The following FHIT variants were observed in gnomAD, a reference collection of about 807,000 sequenced individuals.
FHIT encodes fragile histidine triad diadenosine triphosphatase.
In FHIT, 19 loss-of-function variants were observed where a neutral mutation model predicts 17.9. The ratio of observed to expected loss-of-function variants is 1.06; its 90% confidence interval spans 0.74 to 1.56. The LOEUF (loss-of-function observed/expected upper bound fraction) is 1.56, where lower values mean the gene tolerates loss of function less well. Ranked by LOEUF, FHIT falls within the 40% of genes most tolerant of loss-of-function variation. The pLI, the probability that FHIT is intolerant of heterozygous loss-of-function variation, is 0.00. For synonymous variants in FHIT, 81 were observed against 69.7 expected (o/e 1.16, Z -0.81); for missense variants, 248 against 189.2 (o/e 1.31, Z -1.82).
intron 7 of FHIT, among the ~76,000 whole-genome samples, chr3:60,002,976 T>C (rs921204876): frequency 3.9e-5 from 6 of 152,044 alleles, no homozygotes; most frequent in Admixed American, 2.6e-4. Context: ...CCCTCAGAGA[T>C]TGGAAAATAG....
At chr3:60,491,874 A>G (rs1164354180) in intron 5 of FHIT, among the ~76,000 whole-genome samples, 1 of 152,146 alleles carries the variant, frequency 6.6e-6, no homozygotes, top group Non-Finnish European at 1.5e-5. Context: ...CATTATAACA[A>G]TATTTGATTT....
intron 5 of FHIT, among the ~76,000 whole-genome samples, chr3:60,425,431 A>G (rs1457452644): frequency 6.6e-6 from 1 of 152,160 alleles, no homozygotes; most frequent in African/African-American, 2.4e-5. Flanking sequence ...CCATCATTCA[A>G]ATGTGAAATC....
intron 4 of FHIT, among the ~76,000 whole-genome samples, chr3:60,704,996 A>C (rs1553703149): frequency 6.6e-6 from 1 of 151,990 alleles, no homozygotes; most frequent in Non-Finnish European, 1.5e-5. Context: ...TGAAGAATGA[A>C]CCAACCCATA....
intron 2 of FHIT, among the ~76,000 whole-genome samples, chr3:61,113,099 G>A (rs1042221893): frequency 4.6e-5 from 7 of 152,104 alleles, no homozygotes; most frequent in African/African-American, 1.4e-4. Context: ...GACTTCCCAA[G>A]CTCAAGAGAT....
intron 5 of FHIT, among the ~76,000 whole-genome samples, chr3:60,211,266 G>T (rs770953619): frequency 2.0e-5 from 3 of 151,878 alleles, no homozygotes; most frequent in African/African-American, 4.8e-5. Flanking sequence ...ATACATGTAT[G>T]TATATCCACA....
chr3:60,681,021 G>A (rs1283282826), intron 4 of FHIT, among the ~76,000 whole-genome samples: 2 of 152,132 alleles, frequency 1.3e-5, no homozygotes, highest in East Asian at 3.9e-4. Flanking sequence ...AGTGATCGAG[G>A]ATATAATTTT....
rs188646241 is a variant in FHIT at position 60,517,432 on chromosome 3, T to C, written c.103+19428A>G. On this transcript the variant is annotated intron_variant, in intron 5 of 9. Transcript: ENST00000492590. ...TTTAGATAGCATCGGAATCATAGGA[T>C]ACTAAGTAGCTACTTCCTCTGTCTC... Among the ~76,000 whole-genome samples the C allele has an allele frequency of 4.4e-3, 582 of 132,726 alleles. 6 individuals are homozygous for C. Among genetic ancestry groups the C allele is most frequent in the African/African-American group, 0.016 (548 of 33,436 alleles). 87.1% of individuals were successfully genotyped at this position (132,726 alleles called of 152,430 possible). A position where few individuals can be genotyped will look rare whatever the true frequency, so the allele number is the denominator to read the frequency against.
At chr3:61,009,710 C>T (rs1009763707) in intron 3 of FHIT, among the ~76,000 whole-genome samples, 33 of 151,912 alleles carry the variant, frequency 2.2e-4, no homozygotes, top group Admixed American at 1.4e-3. Context: ...CCAAGATTAA[C>T]GATTAATTCA....
chr3:59,905,909 A>T (rs11707595), intron 8 of FHIT, among the ~76,000 whole-genome samples: 37,789 of 151,380 alleles, frequency 0.25, 5,310 homozygotes, highest in Middle Eastern at 0.34. Flanking sequence ...TACAAAAAAA[A>T]CCCCTCAGAA....
rs71627518 is a variant in FHIT at position 60,025,734 on chromosome 3, G to GAA, written c.104-11584_104-11583dup. Among the ~76,000 whole-genome samples, 293 of 119,702 alleles carry GAA rather than the reference G, an allele frequency of 2.4e-3. 1 individual carries two copies. The highest frequency in any genetic ancestry group is 5.4e-3 in the African/African-American group (194 of 35,802). 78.5% of individuals were successfully genotyped at this position (119,702 alleles called of 152,430 possible). On this transcript the variant is annotated intron_variant, in intron 5 of 9. Transcript: ENST00000492590. Reference sequence around the variant, plus strand: ...AATAAAAATGCAGAAAATTCTACCAGAAAAAAAAAAAAAAAGAGAGAGTGA... The same window carrying GAA: ...AATAAAAATGCAGAAAATTCTACCAGAAAAAAAAAAAAAAAAAGAGAGAGTGA...
chr3:60,278,656 T>G (rs1707286762), intron 5 of FHIT, among the ~76,000 whole-genome samples: 1 of 152,036 alleles, frequency 6.6e-6, no homozygotes, highest in Admixed American at 6.5e-5. Context: ...CATCTGGAAC[T>G]TAAAGCTACA....
intron 5 of FHIT, among the ~76,000 whole-genome samples, chr3:60,071,922 T>C (rs901311310): frequency 2.6e-5 from 4 of 152,188 alleles, no homozygotes; most frequent in African/African-American, 9.6e-5. Flanking sequence ...CCTGCCACCA[T>C]GTAAGACGTT....
intron 5 of FHIT, among the ~76,000 whole-genome samples, chr3:60,524,039 T>C (rs1449420448): frequency 6.6e-6 from 1 of 152,164 alleles, no homozygotes; most frequent in Admixed American, 6.6e-5. Context: ...AAAGCCAACA[T>C]GGTCAACCAG....
intron 5 of FHIT, among the ~76,000 whole-genome samples, chr3:60,340,982 C>T (rs895586629): frequency 6.6e-6 from 1 of 152,110 alleles, no homozygotes; most frequent in African/African-American, 2.4e-5. Flanking sequence ...AGCCACTGCA[C>T]CCGGCCTATA....
At chr3:60,184,786 TC>T (rs150459509) in intron 5 of FHIT, among the ~76,000 whole-genome samples, 1,721 of 152,290 alleles carry the variant, frequency 0.011, 25 homozygotes, top group African/African-American at 0.039. Flanking sequence ...ATTTTTCAAT[TC>T]TACCTCATTT....
chr3:60,685,785 T>C (rs1328386122), intron 4 of FHIT, among the ~76,000 whole-genome samples: 4 of 152,166 alleles, frequency 2.6e-5, no homozygotes, highest in African/African-American at 9.6e-5. Context: ...CAAGTTGTCA[T>C]TGAAATTACA....
intron 8 of FHIT, among the ~76,000 whole-genome samples, chr3:59,798,627 C>T (rs1363712589): frequency 6.6e-6 from 1 of 152,172 alleles, no homozygotes; most frequent in Non-Finnish European, 1.5e-5. Context: ...AAAGAAGTAG[C>T]GGCTGGAGCC....
intron 3 of FHIT, among the ~76,000 whole-genome samples, chr3:61,032,079 G>T (rs751107438): frequency 6.6e-6 from 1 of 152,176 alleles, no homozygotes; most frequent in South Asian, 2.1e-4. Flanking sequence ...TATTACCAAC[G>T]TCAGTGATTG....
At chr3:60,060,643 A>T (rs1702259924) in intron 5 of FHIT, among the ~76,000 whole-genome samples, 6 of 152,252 alleles carry the variant, frequency 3.9e-5, no homozygotes. Flanking sequence ...TAGTAGGAGA[A>T]AAATGAGATT....
Sources: allele counts gnomAD v4.1 joint callset (sites outside exome capture counted in the v4.1 genomes callset), GRCh38; gene constraint gnomAD v4.1.1; transcripts MANE v1.5; gene names NCBI Gene and HGNC (gene_info 2026-07-23, HGNC 2026-07-21).